SATL1: variants seen among roughly 807,000 people sequenced by gnomAD.
The protein encoded by SATL1 is spermidine/spermine N1-acetyl transferase like 1.
In SATL1, 47 loss-of-function variants were observed where a neutral mutation model predicts 51.8. The ratio of observed to expected loss-of-function variants is 0.91; its 90% confidence interval spans 0.72 to 1.16. SATL1 has a LOEUF of 1.16. Among genes scored for constraint, SATL1 ranks in the 50% most tolerant of loss-of-function variants. The probability of loss-of-function intolerance (pLI) is 0.00; values close to 1 mark genes in which losing one functional copy is unlikely to be tolerated. For synonymous variants in SATL1, 176 were observed against 182.4 expected, an observed-to-expected ratio of 0.97 and a Z score of 0.28; for missense variants, 520 against 526.4, an observed-to-expected ratio of 0.99 and a Z score of 0.12.
At chrX:85,129,584 T>G (rs1043604689) in intron 2 of SATL1, among the ~76,000 whole-genome samples, 1 of 111,744 alleles carries the variant, frequency 8.9e-6, no homozygotes, top group African/African-American at 3.3e-5. Flanking sequence ...CAATCATGTC[T>G]TCTGCAAACA....
chrX:85,209,438 T>C (rs1157681276), intron 2 of SATL1: 1 of 111,802 alleles, frequency 8.9e-6, no homozygotes, highest in Non-Finnish European at 1.9e-5. Context: ...TTGATGGGGA[T>C]GGCATTGAAT....
At chrX:85,202,078 A>G (rs1000593161) in intron 2 of SATL1, among the ~76,000 whole-genome samples, 2 of 111,952 alleles carry the variant, frequency 1.8e-5, no homozygotes, top group African/African-American at 6.5e-5. Context: ...CACTCCCACC[A>G]CAGTGTATAA....
At position 85,108,555 on chromosome X, in the gene SATL1, C is replaced by G. The variant is rs773845129; in HGVS notation, c.414G>C (p.Val138=). The G allele has an allele frequency of 9.9e-6, 12 of 1,208,488 alleles. No homozygotes were observed. The highest frequency in any genetic ancestry group is 1.3e-5 in the Non-Finnish European group (12 of 893,846). Residue 138 remains valine, a synonymous_variant, in exon 3 of 8, where the codon GTG becomes GTC. Coordinates refer to ENST00000644105, the MANE Select transcript of SATL1 (RefSeq NM_001367857.2). ...CTGACTGGCTGTCTAGTTGCTGCAT[C>G]ACTGGTTGGCTCATACCTGATTGGT... is the stretch of plus-strand genomic sequence containing the variant. ...GTNQSGMSQP[V]MQQLDSQSGG... is the part of the protein sequence containing the mutation.
intron 2 of SATL1, among the ~76,000 whole-genome samples, chrX:85,151,825 T>C (rs888212291): frequency 7.2e-5 from 8 of 111,667 alleles, no homozygotes; most frequent in Non-Finnish European, 1.5e-4. Context: ...TTCAAGATGA[T>C]TAAATACTTA....
At chrX:85,121,503 A>AC (rs1925508865) in intron 2 of SATL1, among the ~76,000 whole-genome samples, 1 of 104,173 alleles carries the variant, frequency 9.6e-6, no homozygotes, top group Non-Finnish European at 1.9e-5. Flanking sequence ...AGTATATAGT[A>AC]TATATACTAA....
At chrX:85,208,574 C>T (rs912251629) in intron 2 of SATL1, among the ~76,000 whole-genome samples, 2 of 111,803 alleles carry the variant, frequency 1.8e-5, no homozygotes, top group African/African-American at 6.5e-5. Flanking sequence ...TGTTTCCTGA[C>T]TTTTTAATGA....
intron 2 of SATL1, among the ~76,000 whole-genome samples, chrX:85,142,168 G>A (rs771901458): frequency 8.4e-5 from 9 of 106,957 alleles, no homozygotes; most frequent in South Asian, 9.0e-4. Flanking sequence ...AGGCTGAGGC[G>A]GGTGGAACAC....
chrX:85,107,234 A>G, intron 3 of SATL1, 94 bp downstream of exon 3: 1 of 654,705 alleles, frequency 1.5e-6, no homozygotes, highest in Non-Finnish European at 2.4e-6. Context: ...ACACATAACT[A>G]GCAGAGGCAG....
intron 2 of SATL1, among the ~76,000 whole-genome samples, chrX:85,185,439 G>C (rs772852673): frequency 8.9e-6 from 1 of 112,263 alleles, no homozygotes; most frequent in Non-Finnish European, 1.9e-5. Context: ...GGCCCCTGTG[G>C]GTCCAGAGAT....
intron 2 of SATL1, among the ~76,000 whole-genome samples, chrX:85,144,216 A>G (rs1420084309): frequency 2.7e-5 from 3 of 112,035 alleles, no homozygotes; most frequent in Admixed American, 1.9e-4. Context: ...GTGTAAGTCA[A>G]ACTTTTAAAG....
At chrX:85,129,086 C>T (rs1218719784) in intron 2 of SATL1, among the ~76,000 whole-genome samples, 1 of 111,817 alleles carries the variant, frequency 8.9e-6, no homozygotes, top group Non-Finnish European at 1.9e-5. Flanking sequence ...AGCGTGATGC[C>T]TCCAGCTTTG....
intron 2 of SATL1, among the ~76,000 whole-genome samples, chrX:85,164,830 T>A (rs1038182242): frequency 2.7e-5 from 3 of 109,148 alleles, no homozygotes; most frequent in Non-Finnish European, 5.7e-5. Flanking sequence ...GTTCAAGCGA[T>A]TCTCCTGCCT....
chrX:85,107,253 C>A (rs1484026775), intron 3 of SATL1, 75 bp downstream of exon 3: 7 of 894,153 alleles, frequency 7.8e-6, no homozygotes, highest in Admixed American at 2.5e-5. Context: ...AGAATTCGAA[C>A]CCCAACTATG....
intron 2 of SATL1, among the ~76,000 whole-genome samples, chrX:85,178,381 C>A (rs1263346728): frequency 1.8e-5 from 2 of 110,517 alleles, no homozygotes; most frequent in Non-Finnish European, 3.8e-5. Flanking sequence ...TTTTAAAGGT[C>A]CTTTGGTATG....
intron 2 of SATL1, among the ~76,000 whole-genome samples, chrX:85,146,150 G>A (rs975114560): frequency 4.5e-5 from 5 of 110,990 alleles, no homozygotes; most frequent in South Asian, 3.8e-4. Flanking sequence ...TGCCTGCCTC[G>A]GCCTCCCAAA....
chrX:85,143,062 G>A (rs1926147471), intron 2 of SATL1: 1 of 111,793 alleles, frequency 8.9e-6, no homozygotes, highest in African/African-American at 3.2e-5. Flanking sequence ...GTTGGAAAAT[G>A]TATTAGTAGC....
intron 2 of SATL1, chrX:85,210,447 C>T (rs1927893005): frequency 1.0e-5 from 1 of 99,361 alleles, no homozygotes. Flanking sequence ...CATCCCTCTA[C>T]ATTTGGAGAC....
intron 2 of SATL1, chrX:85,156,584 G>C (rs1246436124): frequency 9.2e-6 from 1 of 109,255 alleles, no homozygotes; most frequent in Non-Finnish European, 1.9e-5. Context: ...TTGATGACAG[G>C]TAGAGTACAG....
At position 85,094,999 on chromosome X, in the gene SATL1, G is replaced by A; in HGVS notation, c.1694-3C>T. On this transcript the variant is annotated splice_polypyrimidine_tract_variant and splice_region_variant and intron_variant, in intron 4 of 7. Transcript: ENST00000644105. ...CCCAAAGCCATCTCTGAGTAAATCT[G>A]AAATATCAATTCATATATAGGATGT... 9.4e-7 allele frequency: 1 copy of A among 1,061,475 alleles called. No homozygotes were observed. Among genetic ancestry groups the A allele is most frequent in the Non-Finnish European group, 1.3e-6 (1 of 762,721 alleles). The allele number at this position is 1,061,475 out of a possible 1,213,427, so 87.5% of individuals were successfully genotyped here.
Sources: allele counts gnomAD v4.1 joint callset (sites outside exome capture counted in the v4.1 genomes callset), GRCh38; gene constraint gnomAD v4.1.1; transcripts MANE v1.5; gene names NCBI Gene and HGNC (gene_info 2026-07-23, HGNC 2026-07-21).